STRN3: variants seen among roughly 807,000 people sequenced by gnomAD.
STRN3 encodes the protein striatin 3, also known as striatin-3.
A neutral mutation model predicts 95.6 loss-of-function variants in STRN3; 29 were observed. The ratio of observed to expected loss-of-function variants is 0.30; its 90% CI spans 0.23 to 0.41. The LOEUF (loss-of-function observed/expected upper bound fraction) is 0.41, where lower values mean the gene tolerates loss of function less well. Among genes scored for constraint, STRN3 ranks in the 10% least tolerant of loss-of-function variants. STRN3 has a pLI of 1.00. For synonymous variants in STRN3, 331 were observed against 357.6 expected, an observed-to-expected ratio of 0.93 and a Z score of 0.84; for missense variants, 890 against 972.1, an observed-to-expected ratio of 0.92 and a Z score of 1.12.
intron 1 of STRN3, among the ~76,000 whole-genome samples, chr14:30,977,247 A>G (rs913956400): frequency 1.3e-5 from 2 of 152,202 alleles, no homozygotes; most frequent in Non-Finnish European, 2.9e-5. Flanking sequence ...CATATATGAA[A>G]AAAAGAGAAA....
At chr14:30,916,812 T>C (rs1462813732) in intron 9 of STRN3, among the ~76,000 whole-genome samples, 4 of 152,312 alleles carry the variant, frequency 2.6e-5, no homozygotes, top group South Asian at 2.1e-4. Context: ...AACGGGTCTA[T>C]AAAATACAAG....
Position 31,013,925 on chromosome 14 carries a change from C to CAA in STRN3, c.282+11978_282+11979insTT, listed in dbSNP as rs1354203082. On this transcript the variant is annotated intron_variant, in intron 1 of 17. Transcript: ENST00000357479. The stretch of plus-strand genomic sequence containing the variant: ...TTATTATTATTATTATTATTTGAGA[C>CAA]AGAGTGTCAGTCTATTGACCAGACT... 6.7e-5 allele frequency among the ~76,000 whole-genome samples: 8 copies of CAA among 119,534 alleles called. No homozygotes were observed. The South Asian group carries it at 2.1e-3, about 31-fold the overall frequency. 78.4% of individuals were successfully genotyped at this position (119,534 alleles called of 152,430 possible).
At chr14:31,006,652 G>A (rs1882731735) in intron 1 of STRN3, among the ~76,000 whole-genome samples, 1 of 151,834 alleles carries the variant, frequency 6.6e-6, no homozygotes, top group African/African-American at 2.4e-5. Flanking sequence ...CTGAGATCGC[G>A]CCACTGCACT....
intron 4 of STRN3, 116 bp from the exon 5 acceptor site, chr14:30,947,379 A>C: frequency 2.6e-6 from 2 of 783,132 alleles, no homozygotes; most frequent in African/African-American, 1.8e-5. Flanking sequence ...CCTTTGTCTC[A>C]GTATCTTTCT....
At chr14:30,955,439 C>G (rs1426513514) in intron 3 of STRN3, among the ~76,000 whole-genome samples, 181 bp downstream of exon 3, 1 of 152,076 alleles carries the variant, frequency 6.6e-6, no homozygotes, top group South Asian at 2.1e-4. Flanking sequence ...CAAGTTGCCT[C>G]AGGATTAAGA....
intron 1 of STRN3, among the ~76,000 whole-genome samples, chr14:31,019,715 CTT>C (rs550348618): frequency 1.3e-5 from 2 of 151,750 alleles, no homozygotes; most frequent in South Asian, 4.2e-4. Context: ...ATTTTCTTAC[CTT>C]TTTTGAAAAA....
chr14:31,021,289 T>C (rs931409134), intron 1 of STRN3, among the ~76,000 whole-genome samples: 2 of 152,194 alleles, frequency 1.3e-5, no homozygotes, highest in African/African-American at 2.4e-5. Flanking sequence ...ACATGGCCTC[T>C]ACAGGCAGTC....
chr14:30,899,013 C>T (rs1456591418), intron 16 of STRN3, among the ~76,000 whole-genome samples: 1 of 152,196 alleles, frequency 6.6e-6, no homozygotes, highest in East Asian at 1.9e-4. Flanking sequence ...ATCTACCTTA[C>T]AGAGTTATTA....
chr14:30,929,966 A>AAAAAAAAAAAC (rs1878424432), intron 7 of STRN3, among the ~76,000 whole-genome samples: 2 of 108,312 alleles, frequency 1.8e-5, no homozygotes, highest in African/African-American at 4.1e-5. Flanking sequence ...AAAAAAAAAA[A>AAAAAAAAAAAC]AAAAAAAAAA....
chr14:31,004,545 G>A (rs1245291319), intron 1 of STRN3, among the ~76,000 whole-genome samples: 3 of 152,038 alleles, frequency 2.0e-5, no homozygotes, highest in African/African-American at 7.2e-5. Context: ...AGGCCGAGGC[G>A]GGTGGATCAC....
intron 13 of STRN3, among the ~76,000 whole-genome samples, chr14:30,908,268 C>CA (rs1896519219): frequency 6.6e-6 from 1 of 152,174 alleles, no homozygotes; most frequent in African/African-American, 2.4e-5. Context: ...CCACCCCTTC[C>CA]ACCCAGCAAT....
chr14:30,895,484 T>C lies in STRN3; in HGVS notation c.2321A>G (p.Asp774Gly). ...TGCTTTTGACGAGTGGAAAGCAACA[T>C]CATAAATTGATTCATCCAATTTCTT... ...HRKKLDESIY[D>G]VAFHSSKAYI... Residue 774 changes from aspartate (D) to glycine (G), a missense_variant, in exon 18 of 18, where the codon GAT becomes GGT. This residue lies in a region of STRN3 where 357 missense variants were observed against 422.8 expected (regional missense o/e 0.84). Transcript: ENST00000357479. 1 of 1,614,126 alleles carries C rather than the reference T, an allele frequency of 6.2e-7. No individual in the cohort carries two copies. Among genetic ancestry groups the C allele is most frequent in the Non-Finnish European group, 8.5e-7 (1 of 1,180,008 alleles).
chr14:30,936,160 TTAA>T (rs979866255), intron 6 of STRN3, among the ~76,000 whole-genome samples: 1 of 152,244 alleles, frequency 6.6e-6, no homozygotes, highest in African/African-American at 2.4e-5. Flanking sequence ...GCAACTTCAG[TTAA>T]TTTATCACTG....
intron 1 of STRN3, among the ~76,000 whole-genome samples, chr14:31,005,156 AC>A (rs1882656963): frequency 6.6e-6 from 1 of 152,050 alleles, no homozygotes; most frequent in Non-Finnish European, 1.5e-5. Flanking sequence ...ATATGGTGAA[AC>A]CCCATCTCTA....
In STRN3 at chr14:30,919,111, A is replaced by G; in HGVS notation, c.1100-5T>C. Reference sequence around the variant, plus strand: ...AGAGTTTTGTCCTGTTGGCCCCTGTAAATTAATGTCAGCAGTAGAGGTTCA... The same window carrying G: ...AGAGTTTTGTCCTGTTGGCCCCTGTGAATTAATGTCAGCAGTAGAGGTTCA... On this transcript the variant is annotated splice_region_variant and splice_polypyrimidine_tract_variant and intron_variant, in intron 8 of 17. Coordinates refer to ENST00000357479, the MANE Select transcript of STRN3 (RefSeq NM_001083893.2). The G allele has an allele frequency of 6.3e-7, 1 of 1,599,364 alleles. No homozygotes were observed. Among genetic ancestry groups the G allele is most frequent in the Non-Finnish European group, 8.5e-7 (1 of 1,171,680 alleles).
At chr14:30,974,687 T>C (rs8014532) in intron 1 of STRN3, among the ~76,000 whole-genome samples, 151,633 of 151,798 alleles carry the variant, frequency 1, 75,734 homozygotes, top group Non-Finnish European at 1. Flanking sequence ...GCCTGTAGTC[T>C]CAGCTACTCA....
At chr14:30,905,302 T>G (rs1896432233) in intron 15 of STRN3, 116 bp downstream of exon 15, 2 of 1,061,748 alleles carry the variant, frequency 1.9e-6, no homozygotes, top group Non-Finnish European at 2.5e-6. Context: ...ATTATGAAAC[T>G]AATTATTTTG....
At chr14:30,920,411 G>T (rs1386862678) in intron 8 of STRN3, among the ~76,000 whole-genome samples, 1 of 152,014 alleles carries the variant, frequency 6.6e-6, no homozygotes, top group East Asian at 1.9e-4. Flanking sequence ...TCTACTGGAT[G>T]TCCAACCACC....
chr14:30,983,272 G>A (rs1474160842), intron 1 of STRN3, among the ~76,000 whole-genome samples: 1 of 152,226 alleles, frequency 6.6e-6, no homozygotes, highest in African/African-American at 2.4e-5. Flanking sequence ...GCCGGGTGCA[G>A]TGGCTCATGC....
Sources: gnomAD v4.1 joint callset for allele counts (sites outside exome capture counted in the v4.1 genomes callset) on GRCh38, gnomAD v4.1.1 for gene constraint, gnomAD v4.1.1 regional missense constraint, MANE v1.5 for transcripts, NCBI Gene and HGNC (gene_info 2026-07-23, HGNC 2026-07-21) for gene names.